CARS1: variants seen among roughly 807,000 people sequenced by gnomAD.
CARS1 encodes the protein cysteinyl-tRNA synthetase 1, also known as cysteine--tRNA ligase, cytoplasmic.
Under a neutral mutation model 106.2 loss-of-function variants are expected in CARS1, and 48 were observed. The ratio of observed to expected loss-of-function variants is 0.45; its 90% CI spans 0.36 to 0.57. The LOEUF is 0.57. CARS1 is among the 20% of genes least tolerant of loss of function. CARS1 has a pLI of 0.00. For missense variants in CARS1, 968 were observed against 1,057.2 expected (o/e 0.92, Z 1.17); for synonymous variants, 409 against 403.4 (o/e 1.01, Z -0.17).
chr11:3,054,263 T>A (rs557001285), intron 1 of CARS1, among the ~76,000 whole-genome samples: 1 of 152,138 alleles, frequency 6.6e-6, no homozygotes, highest in Non-Finnish European at 1.5e-5. Context: ...AAGAACAGCA[T>A]CTCCATCTTC....
Position 3,032,322 on chromosome 11 carries a change from C to G in CARS1, c.802-2879G>C, listed in dbSNP as rs547403007. ...TCTTGACCTCATGATCTGCCCATCT[C>G]GGCCTCCCAAAGTGCTGGGAGTTCA... On this transcript the variant is annotated intron_variant, in intron 7 of 22. Transcript: ENST00000380525. 3.9e-5 allele frequency among the ~76,000 whole-genome samples: 6 copies of G among 152,138 alleles called. No individual in the cohort carries two copies. In the South Asian group the frequency reaches 1.2e-3, roughly 32 times the overall value.
rs1180376726 is a variant in CARS1 at position 3,040,003 on chromosome 11, T to C, written c.456-72A>G. The C allele has an allele frequency of 4.0e-6, 3 of 752,172 alleles. No homozygotes were observed. Among genetic ancestry groups the C allele is most frequent in the African/African-American group, 1.8e-5 (1 of 55,090 alleles). The allele number at this position is 752,172 out of a possible 1,614,324, so 46.6% of individuals were successfully genotyped here. On this transcript the variant is annotated intron_variant, in intron 4 of 22. Coordinates refer to ENST00000380525, the MANE Select transcript of CARS1 (RefSeq NM_001014437.3). The surrounding 1 kb of genome is among the most constrained non-coding windows in gnomAD (Gnocchi z 5.8). Reference sequence around the variant, plus strand: ...AGCTTAACCTCCAACAACACGTGTTTGAACTGCATGAGTGCATTTATATAT... The same window carrying C: ...AGCTTAACCTCCAACAACACGTGTTCGAACTGCATGAGTGCATTTATATAT...
intron 14 of CARS1, 158 bp downstream of exon 14, chr11:3,018,250 C>T (rs908442905): frequency 5.3e-5 from 33 of 625,956 alleles, no homozygotes; most frequent in African/African-American, 1.7e-4. Flanking sequence ...GGAGTGGCCC[C>T]GAGCCTGTTA....
intron 17 of CARS1, among the ~76,000 whole-genome samples, chr11:3,012,888 T>C (rs1040613305): frequency 3.4e-5 from 5 of 148,078 alleles, no homozygotes; most frequent in South Asian, 2.2e-4. Context: ...ATTTCCCTTT[T>C]TTTTTTTTTT....
intron 1 of CARS1, among the ~76,000 whole-genome samples, chr11:3,051,031 CCA>C (rs1177359697): frequency 1.3e-5 from 2 of 152,346 alleles, no homozygotes; most frequent in South Asian, 2.1e-4. Flanking sequence ...CAGAATGGCA[CCA>C]CAGAGTGCAT....
intron 17 of CARS1, 87 bp downstream of exon 17, chr11:3,015,694 C>G: frequency 8.5e-7 from 1 of 1,180,682 alleles, no homozygotes; most frequent in Non-Finnish European, 1.3e-6. Context: ...GGTGGGCAGA[C>G]AGAGGAGGGG....
chr11:3,019,058 G>A lies in CARS1; in HGVS notation c.1395+81C>T. 6.9e-7 allele frequency: 1 copy of A among 1,444,936 alleles called. No homozygotes were observed. Among genetic ancestry groups the A allele is most frequent in the Middle Eastern group, 1.9e-4 (1 of 5,368 alleles). 89.5% of individuals were successfully genotyped at this position (1,444,936 alleles called of 1,614,324 possible). A position where few individuals can be genotyped will look rare whatever the true frequency, so the allele number is the denominator to read the frequency against. The stretch of plus-strand genomic sequence containing the variant: ...AAGTTCTAGTGAGAGAGGCCCTTCT[G>A]AGGCCTGGGCTGACTTTTCCTCCAC... On this transcript the variant is annotated intron_variant, in intron 12 of 22. Transcript: ENST00000380525. This position sits in a 1 kb window ranked among gnomAD's most constrained non-coding sequence, Gnocchi z 6.2.
In CARS1 at chr11:3,029,350, G is replaced by C; in HGVS notation, c.895C>G (p.Pro299Ala). ...VTDNSIFSKLPKFWEGDFHRD... is the reference protein window; with the variant it reads ...VTDNSIFSKLAKFWEGDFHRD... ...TGGAAGTCCCCCTCCCAGAACTTGG[G>C]CAGCTTGGAGAAGATGGAATTGTCA... Residue 299 changes from proline (P) to alanine (A), a missense_variant, in exon 8 of 23, where the codon CCC (proline) becomes GCC (alanine). Coordinates refer to ENST00000380525, the MANE Select transcript of CARS1 (RefSeq NM_001014437.3). The surrounding 1 kb of genome is among the most constrained non-coding windows in gnomAD (Gnocchi z 5.9). 6.2e-7 allele frequency: 1 copy of C among 1,614,062 alleles called. No homozygotes were observed. The highest frequency in any genetic ancestry group is 8.5e-7 in the Non-Finnish European group (1 of 1,179,932).
In CARS1 at chr11:3,002,003, T is replaced by C; in HGVS notation, c.2328A>G (p.Ser776=). The C allele has an allele frequency of 6.2e-7, 1 of 1,613,894 alleles. No individual in the cohort carries two copies. The change falls in exon 22 of 23, where the codon TCA becomes TCG. Residue 776 remains serine, a synonymous_variant. Transcript: ENST00000380525. The part of the protein sequence containing the change: ...MKIPPSEMFL[S]ETDKYSKFDE... The stretch of plus-strand genomic sequence containing the variant: ...CAAACTTGGAGTATTTGTCGGTTTC[T>C]GACAAGAACATCTCACTGGGGGGAA...
chr11:3,017,314 G>A lies in CARS1; in HGVS notation c.1728-19C>T, dbSNP rs370357955. On this transcript the variant is annotated intron_variant, in intron 15 of 22. Transcript: ENST00000380525. The surrounding 1 kb of genome is among the most constrained non-coding windows in gnomAD (Gnocchi z 4.9). ...ATAAAAGCTGAGCAACAAAGAGGAA[G>A]GAATGTGAAGTCAGACCTGAAAACA... The A allele has an allele frequency of 2.0e-4, 324 of 1,606,104 alleles. 2 individuals carry two copies. Among genetic ancestry groups the A allele is most frequent in the Middle Eastern group, 2.0e-3 (12 of 6,048 alleles).
rs1046869222 is a variant in CARS1, at chr11:3,048,197, G to A, written c.26-196C>T. Among the ~76,000 whole-genome samples, 5 of 152,214 alleles carry A rather than the reference G, an allele frequency of 3.3e-5. No homozygotes were observed. Among genetic ancestry groups the A allele is most frequent in the African/African-American group, 1.2e-4 (5 of 41,452 alleles). Reference sequence around the variant, plus strand: ...GGGGCGAGGGAGTGACTGCCTGACAGGTATGGATGGGTTCCCTCTTGGGTG... The same window carrying A: ...GGGGCGAGGGAGTGACTGCCTGACAAGTATGGATGGGTTCCCTCTTGGGTG... On this transcript the variant is annotated intron_variant, in intron 1 of 22. Transcript: ENST00000380525. The surrounding 1 kb of genome is among the most constrained non-coding windows in gnomAD (Gnocchi z 5.1).
rs1851595173 is a variant in CARS1, at chr11:3,021,823, A to T, written c.1154-1491T>A. The stretch of plus-strand genomic sequence containing the variant: ...CTACCTCCGCACTGTTCTGCCACTG[A>T]CAATTCCGCAAAAGCACAATGTGAT... On this transcript the variant is annotated intron_variant, in intron 10 of 22. Transcript: ENST00000380525. This position sits in a 1 kb window ranked among gnomAD's most constrained non-coding sequence, Gnocchi z 5.3. Among the ~76,000 whole-genome samples, 1 of 152,210 alleles carries T rather than the reference A, an allele frequency of 6.6e-6. No individual in the cohort carries two copies. The highest frequency in any genetic ancestry group is 6.5e-5 in the Admixed American group (1 of 15,278).
chr11:3,012,638 G>A (rs1400662491), intron 17 of CARS1, among the ~76,000 whole-genome samples: 4 of 152,226 alleles, frequency 2.6e-5, no homozygotes, highest in Admixed American at 6.5e-5. Flanking sequence ...AGCTCTGGGA[G>A]GGACTATTTC....
Position 3,006,918 on chromosome 11 carries a change from T to A in CARS1, c.2110A>T (p.Ile704Phe). ...LQLSDALRDN[I>F]LPELGVRFED... ...AACCGCACCCCAAGCTCGGGCAGGA[T>A]GTTGTCCCGCAGGGCATCGCTGAGC... The change falls in exon 19 of 23, where the codon ATC (isoleucine) becomes TTC (phenylalanine). Residue 704 changes from isoleucine to phenylalanine, a missense_variant. Transcript: ENST00000380525. 1 of 1,614,112 alleles carries A rather than the reference T, an allele frequency of 6.2e-7. No individual in the cohort carries two copies.
chr11:3,056,760 C>G (rs420127), intron 1 of CARS1, among the ~76,000 whole-genome samples: 125 of 152,150 alleles, frequency 8.2e-4, no homozygotes, highest in African/African-American at 2.4e-3. Flanking sequence ...TTGTCTCCCC[C>G]CTAAAGGCCA....
intron 16 of CARS1, 110 bp downstream of exon 16, chr11:3,016,996 C>T (rs896791597): frequency 4.4e-5 from 38 of 857,352 alleles, no homozygotes; most frequent in Non-Finnish European, 5.9e-5. Flanking sequence ...AGGTGCTGGG[C>T]ACCAGGCACA....
rs1051194092 is a variant in CARS1 at position 3,050,344 on chromosome 11, G to A, written c.26-2343C>T. Among the ~76,000 whole-genome samples the A allele has an allele frequency of 4.6e-5, 7 of 152,040 alleles. No individual in the cohort carries two copies. The highest frequency in any genetic ancestry group is 1.4e-4 in the African/African-American group (6 of 41,392). The stretch of plus-strand genomic sequence containing the variant: ...GGCCACCCACTCCAAGCAGCCACAG[G>A]CACCCAGAAGCAAAGCTCTGGGCAC... On this transcript the variant is annotated intron_variant, in intron 1 of 22. Coordinates refer to ENST00000380525, the MANE Select transcript of CARS1 (RefSeq NM_001014437.3). This position sits in a 1 kb window ranked among gnomAD's most constrained non-coding sequence, Gnocchi z 6.3.
At chr11:3,036,486 C>G (rs1263521400) in intron 7 of CARS1, among the ~76,000 whole-genome samples, 1 of 152,140 alleles carries the variant, frequency 6.6e-6, no homozygotes, top group Non-Finnish European at 1.5e-5. Context: ...CCACAGTATA[C>G]CACCTCACAC....
chr11:3,042,736 C>T (rs755428666), intron 2 of CARS1, among the ~76,000 whole-genome samples: 6 of 152,310 alleles, frequency 3.9e-5, no homozygotes, highest in Admixed American at 1.3e-4. Context: ...TCTGTTCTGC[C>T]GCAGCCCTGG....
Sources: allele counts gnomAD v4.1 joint callset (sites outside exome capture counted in the v4.1 genomes callset), GRCh38; gene constraint gnomAD v4.1.1; non-coding constraint Gnocchi (gnomAD v3.1); transcripts MANE v1.5; gene names NCBI Gene and HGNC (gene_info 2026-07-23, HGNC 2026-07-21).